Variants in RFX4 observed in about 807,000 individuals in gnomAD.
RFX4 encodes the protein transcription factor RFX4.
RFX4 carries 10 observed loss-of-function variants against 95.0 expected under a neutral mutation model. The observed-to-expected ratio is 0.11, with a 90% CI of 0.06 to 0.18. The LOEUF (loss-of-function observed/expected upper bound fraction) is 0.18, where lower values mean the gene tolerates loss of function less well. Ranked by LOEUF, RFX4 falls within the 10% of genes least tolerant of loss-of-function variation. RFX4 has a pLI of 1.00. For synonymous variants in RFX4, 321 were observed against 340.7 expected (o/e 0.94, Z 0.64); for missense variants, 640 against 922.0 (o/e 0.69, Z 3.96).
At chr12:106,688,368 G>C (rs1263880215) in intron 6 of RFX4, among the ~76,000 whole-genome samples, 1 of 151,926 alleles carries the variant, frequency 6.6e-6, no homozygotes, top group Non-Finnish European at 1.5e-5. Context: ...GGGCCCAGTC[G>C]AGTATCACAT....
rs532982066 is a variant in RFX4, at chr12:106,632,935, G to A, written c.131-6397G>A. On this transcript the variant is annotated intron_variant, in intron 2 of 17. Transcript: ENST00000392842. ...ACATTTAATTGGCTGATAATTTATG[G>A]CCTCAAGAGAGCAGTGACTACGTCT... is the stretch of plus-strand genomic sequence containing the variant. Among the ~76,000 whole-genome samples the A allele has an allele frequency of 5.3e-5, 8 of 152,328 alleles. No individual in the cohort carries two copies. The East Asian group carries it at 1.5e-3, about 29-fold the overall frequency.
chr12:106,748,371 G>A (rs2042934332), intron 16 of RFX4, among the ~76,000 whole-genome samples: 1 of 152,210 alleles, frequency 6.6e-6, no homozygotes, highest in South Asian at 2.1e-4. Flanking sequence ...CCCCACCTGA[G>A]GGCTGGAGGT....
intron 7 of RFX4, among the ~76,000 whole-genome samples, chr12:106,692,508 C>G (rs2041804268): frequency 6.6e-6 from 1 of 152,150 alleles, no homozygotes; most frequent in Non-Finnish European, 1.5e-5. Flanking sequence ...ACAGGTGTTT[C>G]CACAAGGTGC....
At chr12:106,592,744 A>G (rs544726773) in intron 1 of RFX4, among the ~76,000 whole-genome samples, 18 of 151,806 alleles carry the variant, frequency 1.2e-4, no homozygotes, top group Middle Eastern at 3.4e-3. Flanking sequence ...CGTTCTCTGG[A>G]ACTCATTTTA....
chr12:106,643,984 T>C (rs535135228), intron 3 of RFX4, among the ~76,000 whole-genome samples: 2 of 152,304 alleles, frequency 1.3e-5, no homozygotes, highest in Admixed American at 6.5e-5. Context: ...TGCACACATA[T>C]GTATCTGTAG....
chr12:106,691,912 A>C (rs1218475893), intron 7 of RFX4, among the ~76,000 whole-genome samples: 1 of 152,158 alleles, frequency 6.6e-6, no homozygotes, highest in Non-Finnish European at 1.5e-5. Flanking sequence ...TAATCCCAGC[A>C]CTTTGGGAGG....
intron 1 of RFX4, among the ~76,000 whole-genome samples, chr12:106,604,116 T>TC (rs1491271489): frequency 1.2e-4 from 10 of 84,750 alleles, no homozygotes; most frequent in African/African-American, 6.5e-4. Flanking sequence ...CTTCTCTCTC[T>TC]TTTTTTTTTT....
chr12:106,714,457 G>A (rs967636907), intron 10 of RFX4, among the ~76,000 whole-genome samples: 2 of 152,126 alleles, frequency 1.3e-5, no homozygotes, highest in African/African-American at 4.8e-5. Flanking sequence ...GTAATTGGAT[G>A]GTCTGGGTAC....
At chr12:106,718,731 A>G (rs901559155) in intron 11 of RFX4, among the ~76,000 whole-genome samples, 2 of 152,246 alleles carry the variant, frequency 1.3e-5, no homozygotes, top group Admixed American at 1.3e-4. Context: ...CTGCATACAG[A>G]AACACAAAAA....
intron 10 of RFX4, among the ~76,000 whole-genome samples, chr12:106,711,777 C>T (rs932828026): frequency 6.6e-6 from 1 of 152,094 alleles, no homozygotes; most frequent in African/African-American, 2.4e-5. Flanking sequence ...TTATCCAGCC[C>T]AAAATGTATG....
At chr12:106,650,189 G>A (rs1439461842) in intron 3 of RFX4, among the ~76,000 whole-genome samples, 1 of 152,138 alleles carries the variant, frequency 6.6e-6, no homozygotes, top group Non-Finnish European at 1.5e-5. Context: ...ATAATCATAT[G>A]CAAGATGAAT....
chr12:106,693,082 G>T, intron 7 of RFX4: 1 of 438,084 alleles, frequency 2.3e-6, no homozygotes, highest in South Asian at 1.7e-5. Context: ...TCCACTGGGA[G>T]ATCCTGTCAG....
chr12:106,670,123 T>C (rs1007874327), intron 4 of RFX4, among the ~76,000 whole-genome samples: 4 of 152,174 alleles, frequency 2.6e-5, no homozygotes. Flanking sequence ...TAGTTATGAC[T>C]TCAGTTTATT....
rs570261624 is a variant in RFX4 at position 106,733,953 on chromosome 12, A to C, written c.1633+868A>C. ...TCTTATCGATGGATGATGGATAAAG[A>C]AAATGTGGTATATACATAAATGGAA... On this transcript the variant is annotated intron_variant, in intron 15 of 17. Transcript: ENST00000392842. Among the ~76,000 whole-genome samples the C allele has an allele frequency of 1.1e-3, 162 of 152,384 alleles. 2 individuals carry two copies. The highest frequency in any genetic ancestry group is 6.0e-3 in the East Asian group (31 of 5,194).
intron 1 of RFX4, among the ~76,000 whole-genome samples, chr12:106,605,840 A>G (rs1307267844): frequency 5.3e-5 from 8 of 152,174 alleles, no homozygotes; most frequent in Non-Finnish European, 8.8e-5. Flanking sequence ...AGAGTTGGCT[A>G]CAGGCATAGA....
Position 106,687,070 on chromosome 12 carries a change from T to C in RFX4, c.564T>C (p.Asn188=). 6.2e-7 allele frequency: 1 copy of C among 1,613,804 alleles called. No individual in the cohort carries two copies. The highest frequency in any genetic ancestry group is 8.5e-7 in the Non-Finnish European group (1 of 1,179,972). ...AATTTCCCAATGTCAAAGATCTAAA[T>C]CTGCCAGCCAGCCTGCCTGAGGAGA... ...LPEFPNVKDL[N]LPASLPEEKV... Residue 188 remains asparagine, a synonymous_variant, in exon 6 of 18, where the codon AAT becomes AAC. Coordinates refer to ENST00000392842, the MANE Select transcript of RFX4 (RefSeq NM_213594.3).
At chr12:106,737,896 A>T (rs1376302655) in intron 15 of RFX4, among the ~76,000 whole-genome samples, 1 of 152,172 alleles carries the variant, frequency 6.6e-6, no homozygotes, top group Non-Finnish European at 1.5e-5. Context: ...TGCTTTGAGG[A>T]GGAAGAATGT....
At chr12:106,600,682 G>A (rs183915377) in intron 1 of RFX4, among the ~76,000 whole-genome samples, 3 of 152,204 alleles carry the variant, frequency 2.0e-5, no homozygotes, top group South Asian at 4.2e-4. Context: ...GAGGGTCTGC[G>A]AGTCCCTACA....
intron 3 of RFX4, among the ~76,000 whole-genome samples, chr12:106,641,973 A>ATATCTATATC (rs1333165669): frequency 0.022 from 2,355 of 108,208 alleles, 74 homozygotes; most frequent in African/African-American, 0.088. Context: ...ATATCTATCT[A>ATATCTATATC]TATCTATATC....
Sources: gnomAD v4.1 joint callset for allele counts (sites outside exome capture counted in the v4.1 genomes callset) on GRCh38, gnomAD v4.1.1 for gene constraint, MANE v1.5 for transcripts, NCBI Gene and HGNC (gene_info 2026-07-23, HGNC 2026-07-21) for gene names.